The following GRM5 variants were observed in gnomAD, a reference collection of about 807,000 sequenced individuals.
The protein encoded by GRM5 is metabotropic glutamate receptor 5.
GRM5 carries 19 observed loss-of-function variants against 83.1 expected under a neutral mutation model. The ratio of observed to expected loss-of-function variants is 0.23; its 90% confidence interval spans 0.16 to 0.34. GRM5 has a LOEUF of 0.34. GRM5 is among the 10% of genes least tolerant of loss of function. The pLI is 1.00. For missense variants in GRM5, 1,160 were observed against 1,588.3 expected (o/e 0.73, Z 4.58); for synonymous variants, 675 against 633.6 (o/e 1.07, Z -0.98).
intron 2 of GRM5, among the ~76,000 whole-genome samples, chr11:88,922,983 T>G (rs1355340238): frequency 6.6e-6 from 1 of 152,166 alleles, no homozygotes; most frequent in African/African-American, 2.4e-5. Context: ...GGTTTCTCAA[T>G]ATCATTGATC....
At chr11:88,893,038 G>A (rs942241895) in intron 2 of GRM5, among the ~76,000 whole-genome samples, 2 of 151,762 alleles carry the variant, frequency 1.3e-5, no homozygotes, top group African/African-American at 2.4e-5. Flanking sequence ...ATTCACAGTA[G>A]GGCTATACAC....
rs542376642 is a variant in GRM5, at chr11:88,509,573, A to G, written c.2727-69T>C. 45 of 1,172,134 alleles carry G rather than the reference A, an allele frequency of 3.8e-5. No individual in the cohort carries two copies. The Middle Eastern group carries it at 5.9e-4, about 15-fold the overall frequency. The allele number at this position is 1,172,134 out of a possible 1,614,324, so 72.6% of individuals were successfully genotyped here. On this transcript the variant is annotated intron_variant, in intron 9 of 9. Coordinates refer to ENST00000305447, the MANE Select transcript of GRM5 (RefSeq NM_001143831.3). ...AGGGGGCTTGGATGCCGCTTCCCCA[A>G]TGGTGGTTGCTCATGGGCCCCGGAC...
At chr11:88,897,342 C>G (rs1375676003) in intron 2 of GRM5, among the ~76,000 whole-genome samples, 1 of 151,922 alleles carries the variant, frequency 6.6e-6, no homozygotes, top group African/African-American at 2.4e-5. Flanking sequence ...TTATAAAGGA[C>G]AGCCCAATAT....
At chr11:88,857,023 T>C (rs1192737165) in intron 2 of GRM5, among the ~76,000 whole-genome samples, 1 of 152,134 alleles carries the variant, frequency 6.6e-6, no homozygotes, top group African/African-American at 2.4e-5. Context: ...TAGTTTTTCA[T>C]GATTTTGAAC....
At chr11:88,854,337 C>G (rs1335674572) in intron 2 of GRM5, among the ~76,000 whole-genome samples, 1 of 151,690 alleles carries the variant, frequency 6.6e-6, no homozygotes, top group Non-Finnish European at 1.5e-5. Context: ...GGGCGTCACT[C>G]TAATAAGCTA....
At chr11:88,571,030 A>T (rs1361341481) in intron 7 of GRM5, among the ~76,000 whole-genome samples, 1 of 152,144 alleles carries the variant, frequency 6.6e-6, no homozygotes, top group African/African-American at 2.4e-5. Context: ...TAGGGCAGGA[A>T]TCTTTTCATT....
intron 3 of GRM5, among the ~76,000 whole-genome samples, chr11:88,831,770 G>A (rs981151085): frequency 1.3e-5 from 2 of 152,150 alleles, no homozygotes; most frequent in African/African-American, 4.8e-5. Context: ...GGGATCCAAA[G>A]GATTGTTCTG....
chr11:88,510,854 T>A (rs1043989880), intron 9 of GRM5, among the ~76,000 whole-genome samples: 1 of 152,216 alleles, frequency 6.6e-6, no homozygotes, highest in Non-Finnish European at 1.5e-5. Flanking sequence ...TAGTTTCCCA[T>A]CACAAAGTAA....
At chr11:88,781,844 GC>G (rs1185075690) in intron 3 of GRM5, among the ~76,000 whole-genome samples, 1 of 152,160 alleles carries the variant, frequency 6.6e-6, no homozygotes, top group Non-Finnish European at 1.5e-5. Context: ...GAGATCCCAT[GC>G]TGAGCAGAAG....
At chr11:88,983,930 A>C (rs1333639727) in intron 2 of GRM5, among the ~76,000 whole-genome samples, 2 of 152,142 alleles carry the variant, frequency 1.3e-5, no homozygotes, top group African/African-American at 4.8e-5. Flanking sequence ...TTTTAACAAA[A>C]AGTTAAAAAA....
intron 3 of GRM5, among the ~76,000 whole-genome samples, chr11:88,654,195 T>G (rs940932836): frequency 1.3e-5 from 2 of 152,112 alleles, no homozygotes; most frequent in Non-Finnish European, 2.9e-5. Flanking sequence ...AAGATAAAAG[T>G]TTTTGAAATC....
chr11:88,531,152 G>C (rs1480786414), intron 8 of GRM5, among the ~76,000 whole-genome samples: 1 of 152,118 alleles, frequency 6.6e-6, no homozygotes, highest in African/African-American at 2.4e-5. Context: ...TATATGCCTG[G>C]AAGCAGCGTT....
intron 3 of GRM5, among the ~76,000 whole-genome samples, chr11:88,717,771 T>C (rs924750797): frequency 1.4e-4 from 21 of 151,948 alleles, no homozygotes; most frequent in African/African-American, 4.6e-4. Context: ...AGGAAATACA[T>C]TGAAACATTC....
At chr11:89,032,459 G>A (rs758095317) in intron 2 of GRM5, among the ~76,000 whole-genome samples, 13 of 151,968 alleles carry the variant, frequency 8.6e-5, no homozygotes, top group Non-Finnish European at 1.8e-4. Flanking sequence ...CAGGAGCCTC[G>A]TTCTGTGCAA....
chr11:88,522,240 A>G (rs1591320400), intron 9 of GRM5, among the ~76,000 whole-genome samples: 1 of 152,280 alleles, frequency 6.6e-6, no homozygotes, highest in East Asian at 1.9e-4. Context: ...AAGTACCTAT[A>G]AAAGTCTCAC....
chr11:88,627,289 A>G (rs1197266885), intron 4 of GRM5, among the ~76,000 whole-genome samples: 1 of 152,136 alleles, frequency 6.6e-6, no homozygotes, highest in Non-Finnish European at 1.5e-5. Flanking sequence ...ATTTCCATAA[A>G]CCCACCACTC....
intron 2 of GRM5, among the ~76,000 whole-genome samples, chr11:88,973,081 C>A (rs900592311): frequency 6.6e-6 from 1 of 152,108 alleles, no homozygotes; most frequent in Non-Finnish European, 1.5e-5. Flanking sequence ...ATGAATAAAA[C>A]CACTGATTAT....
At chr11:88,995,226 C>G (rs1377695800) in intron 2 of GRM5, among the ~76,000 whole-genome samples, 1 of 151,988 alleles carries the variant, frequency 6.6e-6, no homozygotes, top group African/African-American at 2.4e-5. Flanking sequence ...ATTGGTTGTA[C>G]AGAGCAAAAG....
chr11:88,855,187 C>T (rs1018026873), intron 2 of GRM5, among the ~76,000 whole-genome samples: 3 of 151,704 alleles, frequency 2.0e-5, no homozygotes, highest in African/African-American at 7.3e-5. Context: ...AGTATCTTTA[C>T]TTCTCTTTCC....
Sources: allele counts gnomAD v4.1 joint callset (sites outside exome capture counted in the v4.1 genomes callset), GRCh38; gene constraint gnomAD v4.1.1; transcripts MANE v1.5; gene names NCBI Gene and HGNC (gene_info 2026-07-23, HGNC 2026-07-21).